Variants in RIMBP2 observed in about 807,000 individuals in gnomAD.
RIMBP2 encodes the protein RIMS-binding protein 2.
In RIMBP2, 48 loss-of-function variants were observed where a neutral mutation model predicts 118.6. The observed-to-expected ratio is 0.40, with a 90% confidence interval of 0.32 to 0.51. The LOEUF (loss-of-function observed/expected upper bound fraction) is 0.51, where lower values mean the gene tolerates loss of function less well. Among genes scored for constraint, RIMBP2 ranks in the 20% least tolerant of loss-of-function variants. The probability of loss-of-function intolerance (pLI) is 0.41; values close to 1 mark genes in which losing one functional copy is unlikely to be tolerated. For missense variants in RIMBP2, 1,551 were observed against 1,768.3 expected, an observed-to-expected ratio of 0.88 and a Z score of 2.20; for synonymous variants, 762 against 742.9, an observed-to-expected ratio of 1.03 and a Z score of -0.42.
At chr12:130,693,870 C>T (rs1198226338) in intron 1 of RIMBP2, among the ~76,000 whole-genome samples, 2 of 152,174 alleles carry the variant, frequency 1.3e-5, no homozygotes, top group African/African-American at 4.8e-5. Context: ...GCCTGGAATG[C>T]AGGTGTGCTG....
intron 11 of RIMBP2, among the ~76,000 whole-genome samples, chr12:130,441,405 A>AATAATAATC (rs201279756): frequency 0.087 from 4,526 of 51,840 alleles, 147 homozygotes; most frequent in South Asian, 0.22. Context: ...CATCTCAAAT[A>AATAATAATC]ATAATAATAA....
rs530784601 is a variant in RIMBP2 at position 130,523,113 on chromosome 12, C to T, written c.-216-5196G>A. ...CTGTTTCTCTGCTTCTTCTGTCTCT[C>T]CCAGTCTCACTCTGCCTCTCTCTCT... On this transcript the variant is annotated intron_variant, in intron 2 of 22. Coordinates refer to ENST00000690449, the MANE Select transcript of RIMBP2 (RefSeq NM_001393629.1). This position sits in a 1 kb window ranked among gnomAD's most constrained non-coding sequence, Gnocchi z 4.4. Among the ~76,000 whole-genome samples, 51 of 152,028 alleles carry T rather than the reference C, an allele frequency of 3.4e-4. No homozygotes were observed. The highest frequency in any genetic ancestry group is 6.3e-4 in the South Asian group (3 of 4,790).
chr12:130,438,524 G>C lies in RIMBP2; in HGVS notation c.1505-8C>G, dbSNP rs747983578. 1 of 1,588,958 alleles carries C rather than the reference G, an allele frequency of 6.3e-7. No individual in the cohort carries two copies. On this transcript the variant is annotated splice_region_variant and splice_polypyrimidine_tract_variant and intron_variant, in intron 11 of 22. Coordinates refer to ENST00000690449, the MANE Select transcript of RIMBP2 (RefSeq NM_001393629.1). Reference sequence around the variant, plus strand: ...GTGGGGGTGCTGGGGGTCCTGGGAGGGGACAGAAGGGAACGGAGGCGTTCA... The same window carrying C: ...GTGGGGGTGCTGGGGGTCCTGGGAGCGGACAGAAGGGAACGGAGGCGTTCA...
Position 130,424,421 on chromosome 12 carries a change from G to T in RIMBP2, c.2850C>A (p.Cys950Ter). 5 of 1,232,766 alleles carry T rather than the reference G, an allele frequency of 4.1e-6. No individual in the cohort carries two copies. Among genetic ancestry groups the T allele is most frequent in the Non-Finnish European group, 5.1e-6 (5 of 988,248 alleles). The allele number at this position is 1,232,766 out of a possible 1,614,324, so 76.4% of individuals were successfully genotyped here. ...CCAGCAGCGGCCTCGGGCCCCTCCT[G>T]CAGGGACAGTGACCAGGGCCTGGGC... ...ACSPGPGHCP[C>*]RRGPRPLLAR... The change falls in exon 16 of 23, where the codon TGC becomes TGA. Residue 950 changes from cysteine (C) to a stop codon, truncating the protein, a stop_gained. Coordinates refer to ENST00000690449, the MANE Select transcript of RIMBP2 (RefSeq NM_001393629.1). LOFTEE classifies it high-confidence loss of function. This position sits in a 1 kb window ranked among gnomAD's most constrained non-coding sequence, Gnocchi z 9.8.
intron 1 of RIMBP2, among the ~76,000 whole-genome samples, chr12:130,648,029 G>C (rs1222350291): frequency 2.0e-5 from 3 of 146,406 alleles, no homozygotes; most frequent in African/African-American, 7.3e-5. Flanking sequence ...GTGAACACAC[G>C]TGTGTACACA....
At chr12:130,471,530 C>A (rs549177868) in intron 5 of RIMBP2, among the ~76,000 whole-genome samples, 48 of 152,328 alleles carry the variant, frequency 3.2e-4, no homozygotes, top group African/African-American at 1.1e-3. Flanking sequence ...TTCTGCAGAC[C>A]TAACGTTTCA....
chr12:130,636,058 C>T (rs919821186), intron 1 of RIMBP2, among the ~76,000 whole-genome samples: 7 of 152,164 alleles, frequency 4.6e-5, no homozygotes, highest in African/African-American at 1.7e-4. Flanking sequence ...CATCTCTTGC[C>T]ACCACCCTCC....
Position 130,440,630 on chromosome 12 carries a change from G to T in RIMBP2, c.1504+1218C>A, listed in dbSNP as rs184610295. 2.4e-3 allele frequency among the ~76,000 whole-genome samples: 366 copies of T among 152,328 alleles called. 4 individuals carry two copies. Among genetic ancestry groups the T allele is most frequent in the Admixed American group, 0.022 (332 of 15,308 alleles). ...TCTTCACCCCCGCACTCATCAGAAG[G>T]CATCGCGGGAGGCGTCAGTGAAAAG... On this transcript the variant is annotated intron_variant, in intron 11 of 22. Transcript: ENST00000690449.
intron 6 of RIMBP2, among the ~76,000 whole-genome samples, chr12:130,467,137 T>G (rs1223739689): frequency 6.6e-6 from 1 of 152,234 alleles, no homozygotes; most frequent in Non-Finnish European, 1.5e-5. Flanking sequence ...TAGTGTGTAG[T>G]TTAGCTTTGA....
intron 2 of RIMBP2, among the ~76,000 whole-genome samples, chr12:130,609,147 T>C (rs746073106): frequency 6.6e-6 from 1 of 152,160 alleles, no homozygotes; most frequent in Non-Finnish European, 1.5e-5. Context: ...GAGCCCACTA[T>C]GTCACTGGTA....
At chr12:130,470,890 T>A in intron 5 of RIMBP2, 147 bp from the exon 6 acceptor site, 1 of 449,268 alleles carries the variant, frequency 2.2e-6, no homozygotes, top group Non-Finnish European at 3.6e-6. Context: ...ATTCATTATT[T>A]AACTTTTATT....
chr12:130,438,334 A>AGGCCCC, intron 12 of RIMBP2, 31 bp downstream of exon 12: 18 of 1,344,492 alleles, frequency 1.3e-5, no homozygotes, highest in Non-Finnish European at 1.7e-5. Flanking sequence ...GGGCCTAACA[A>AGGCCCC]ACCCTCCCCA....
chr12:130,607,812 A>C (rs2060278768), intron 2 of RIMBP2, among the ~76,000 whole-genome samples: 1 of 151,928 alleles, frequency 6.6e-6, no homozygotes, highest in South Asian at 2.1e-4. Context: ...ACCAAGCAGA[A>C]GCATCCATTT....
chr12:130,534,429 T>C (rs1054167379), intron 2 of RIMBP2, among the ~76,000 whole-genome samples: 6 of 152,108 alleles, frequency 3.9e-5, no homozygotes, highest in African/African-American at 1.4e-4. Flanking sequence ...CTGACCAACA[T>C]GGTGAAACTC....
intron 1 of RIMBP2, among the ~76,000 whole-genome samples, chr12:130,629,624 G>C (rs1200090885): frequency 6.6e-6 from 1 of 152,106 alleles, no homozygotes; most frequent in African/African-American, 2.4e-5. Flanking sequence ...TCCACCTGTG[G>C]ATACCCCTCC....
intron 1 of RIMBP2, among the ~76,000 whole-genome samples, chr12:130,652,530 G>GT (rs2063271026): frequency 6.6e-6 from 1 of 152,106 alleles, no homozygotes; most frequent in African/African-American, 2.4e-5. Flanking sequence ...GATTTGCAGA[G>GT]TGGGGGTTTC....
At chr12:130,713,189 AG>A (rs912455322) in intron 1 of RIMBP2, among the ~76,000 whole-genome samples, 1 of 110,886 alleles carries the variant, frequency 9.0e-6, no homozygotes, top group Non-Finnish European at 1.7e-5. Context: ...AAGGAAGGAA[AG>A]AAGGAAGGAA....
At position 130,526,805 on chromosome 12, in the gene RIMBP2, ATAATC is replaced by A. The variant is rs566768630; in HGVS notation, c.-216-8893_-216-8889del. ...TCAATTATAATAACGTAAAATAAAAATAATCTAAGTCAACACTGGAGTGTGCTTGG... is the reference window on the plus strand; with the variant it reads ...TCAATTATAATAACGTAAAATAAAAATAAGTCAACACTGGAGTGTGCTTGG... On this transcript the variant is annotated intron_variant, in intron 2 of 22. Coordinates refer to ENST00000690449, the MANE Select transcript of RIMBP2 (RefSeq NM_001393629.1). Among the ~76,000 whole-genome samples, 1,074 of 152,362 alleles carry A rather than the reference ATAATC, an allele frequency of 7.0e-3. 15 individuals are homozygous for A. The highest frequency in any genetic ancestry group is 0.025 in the African/African-American group (1,036 of 41,578).
chr12:130,418,474 C>A (rs1013339120), intron 17 of RIMBP2, among the ~76,000 whole-genome samples: 1 of 152,204 alleles, frequency 6.6e-6, no homozygotes, highest in Admixed American at 6.5e-5. Flanking sequence ...GAGAAGGACG[C>A]CTGCTTTCCA....
Sources: gnomAD v4.1 joint callset for allele counts (sites outside exome capture counted in the v4.1 genomes callset) on GRCh38, gnomAD v4.1.1 for gene constraint, Gnocchi (gnomAD v3.1) non-coding constraint, MANE v1.5 for transcripts, NCBI Gene and HGNC (gene_info 2026-07-23, HGNC 2026-07-21) for gene names.